The following TRPM3 variants were observed in gnomAD, a reference collection of about 807,000 sequenced individuals.
TRPM3 encodes transient receptor potential cation channel subfamily M member 3, also known as long transient receptor potential channel 3.
Under a neutral mutation model 181.2 loss-of-function variants are expected in TRPM3, and 77 were observed. The observed-to-expected ratio is 0.42, with a 90% CI of 0.35 to 0.51. The LOEUF is 0.51. Among genes scored for constraint, TRPM3 ranks in the 20% least tolerant of loss-of-function variants. TRPM3 has a pLI of 0.01. For missense variants in TRPM3, 1,759 were observed against 2,196.7 expected (o/e 0.80, Z 3.98); for synonymous variants, 745 against 796.4 (o/e 0.94, Z 1.09).
At chr9:70,629,745 A>G (rs2065452932) in intron 12 of TRPM3, among the ~76,000 whole-genome samples, 1 of 152,180 alleles carries the variant, frequency 6.6e-6, no homozygotes, top group Non-Finnish European at 1.5e-5. Context: ...CCTGTAAGTG[A>G]TATTTGGAGG....
chr9:71,188,882 T>C (rs1181414138), intron 1 of TRPM3, among the ~76,000 whole-genome samples: 1 of 151,966 alleles, frequency 6.6e-6, no homozygotes, highest in African/African-American at 2.4e-5. Context: ...TATAAAGTAA[T>C]AAGCACAGTG....
intron 1 of TRPM3, among the ~76,000 whole-genome samples, chr9:71,420,507 CAAAGAAAGAAAAAGAGAAAGAGAAAG>C (rs1384058224): frequency 6.5e-5 from 7 of 107,090 alleles, no homozygotes; most frequent in Admixed American, 5.8e-4. Flanking sequence ...CTCGCAGCAA[CAAAGAAAGAAAAAGAGAAAGAGAAAG>C]AAAGAAAGAA....
At chr9:70,775,700 C>T (rs959627408) in intron 7 of TRPM3, 5 of 152,094 alleles carry the variant, frequency 3.3e-5, no homozygotes, top group Non-Finnish European at 7.3e-5. Context: ...ATAGCATCGC[C>T]TAAGTATTCC....
rs568401544 is a variant in TRPM3, at chr9:71,367,468, G to T, written c.183+79185C>A. 6.4e-4 allele frequency among the ~76,000 whole-genome samples: 98 copies of T among 152,272 alleles called. 1 individual carries two copies. In the South Asian group the frequency reaches 8.1e-3, roughly 13 times the overall value. ...ACCTGTAAAAGGCAAGTTTGTAAATGTAACAGTTTGTGCAGTTTTTTTCTT... is the reference window on the plus strand; with the variant it reads ...ACCTGTAAAAGGCAAGTTTGTAAATTTAACAGTTTGTGCAGTTTTTTTCTT... On this transcript the variant is annotated intron_variant, in intron 1 of 24. Transcript: ENST00000357533.
rs574150324 is a variant in TRPM3, at chr9:71,397,670, A to C, written c.183+48983T>G. ...CACCTATATCAGAGAAGCTTGAAAT[A>C]AATTTCAGATAAGATTATGCAATTT... On this transcript the variant is annotated intron_variant, in intron 1 of 24. Transcript: ENST00000357533. Among the ~76,000 whole-genome samples the C allele has an allele frequency of 1.2e-4, 19 of 152,330 alleles. No individual in the cohort carries two copies. In the South Asian group the frequency reaches 3.9e-3, roughly 32 times the overall value.
intron 1 of TRPM3, among the ~76,000 whole-genome samples, chr9:71,420,329 G>A (rs896462267): frequency 3.3e-5 from 5 of 151,864 alleles, no homozygotes; most frequent in Non-Finnish European, 5.9e-5. Flanking sequence ...TAACCATGAC[G>A]GATTTGTCTT....
chr9:70,696,244 T>C (rs2070381745), intron 8 of TRPM3, among the ~76,000 whole-genome samples: 2 of 152,244 alleles, frequency 1.3e-5, no homozygotes, highest in South Asian at 4.1e-4. Flanking sequence ...ATGGGGAATA[T>C]ATCCAATACT....
At chr9:70,995,014 C>T (rs1337543478) in intron 1 of TRPM3, among the ~76,000 whole-genome samples, 1 of 152,152 alleles carries the variant, frequency 6.6e-6, no homozygotes, top group Non-Finnish European at 1.5e-5. Context: ...GATCAACAAC[C>T]ACAAGTCACA....
chr9:71,299,780 C>A (rs935254615), intron 1 of TRPM3, among the ~76,000 whole-genome samples: 3 of 152,012 alleles, frequency 2.0e-5, no homozygotes, highest in African/African-American at 4.8e-5. Context: ...TGGCCTTGTG[C>A]ACATTTATAA....
chr9:71,004,420 C>T (rs773630973), intron 1 of TRPM3, among the ~76,000 whole-genome samples: 4 of 152,222 alleles, frequency 2.6e-5, no homozygotes, highest in South Asian at 4.1e-4. Flanking sequence ...GTAAGTCTTC[C>T]GCAATCCGGG....
chr9:71,405,284 A>T (rs979288103), intron 1 of TRPM3, among the ~76,000 whole-genome samples: 3 of 152,228 alleles, frequency 2.0e-5, no homozygotes, highest in African/African-American at 7.2e-5. Context: ...TACATACAGC[A>T]AAGTGCAAAA....
chr9:71,195,971 G>A (rs2078325843), intron 1 of TRPM3, among the ~76,000 whole-genome samples: 2 of 151,736 alleles, frequency 1.3e-5, no homozygotes, highest in Admixed American at 1.3e-4. Flanking sequence ...ATGGAGAGGA[G>A]CCACCCTTTG....
chr9:70,546,977 C>T (rs1038732946), intron 25 of TRPM3, among the ~76,000 whole-genome samples: 4 of 152,012 alleles, frequency 2.6e-5, no homozygotes, highest in Admixed American at 6.6e-5. Context: ...GAATAATGAT[C>T]CATTTAAATG....
intron 1 of TRPM3, among the ~76,000 whole-genome samples, chr9:71,077,996 C>T (rs1045383991): frequency 2.7e-5 from 4 of 149,104 alleles, no homozygotes; most frequent in Non-Finnish European, 5.9e-5. Context: ...CTGGAGTATA[C>T]TGGTCAAAAA....
intron 9 of TRPM3, among the ~76,000 whole-genome samples, chr9:70,654,811 T>C (rs1370181734): frequency 2.6e-5 from 4 of 151,308 alleles, no homozygotes; most frequent in Admixed American, 2.6e-4. Context: ...GCCTCCTGAG[T>C]AGCTGGAACT....
At chr9:71,138,028 C>A (rs959847595) in intron 1 of TRPM3, among the ~76,000 whole-genome samples, 1 of 151,800 alleles carries the variant, frequency 6.6e-6, no homozygotes, top group African/African-American at 2.4e-5. Context: ...GCAGGAGAAT[C>A]ACTTGAACTT....
At chr9:71,060,535 C>T (rs2061204445) in intron 1 of TRPM3, among the ~76,000 whole-genome samples, 1 of 152,144 alleles carries the variant, frequency 6.6e-6, no homozygotes, top group Non-Finnish European at 1.5e-5. Context: ...ACTCTCAGTG[C>T]TCCCCTACAG....
chr9:70,661,524 G>A (rs1211019949), intron 9 of TRPM3, among the ~76,000 whole-genome samples: 1 of 152,042 alleles, frequency 6.6e-6, no homozygotes, highest in Admixed American at 6.6e-5. Context: ...TTATATGATT[G>A]TATAGCTAGA....
At chr9:71,141,911 A>T (rs1183251527) in intron 1 of TRPM3, among the ~76,000 whole-genome samples, 3 of 151,998 alleles carry the variant, frequency 2.0e-5, no homozygotes, top group Non-Finnish European at 2.9e-5. Flanking sequence ...ACTTGTTTTG[A>T]TTGCTTCTGA....
Sources: gnomAD v4.1 joint callset for allele counts (sites outside exome capture counted in the v4.1 genomes callset) on GRCh38, gnomAD v4.1.1 for gene constraint, MANE v1.5 for transcripts, NCBI Gene and HGNC (gene_info 2026-07-23, HGNC 2026-07-21) for gene names.